Variants in GRM5 observed in about 807,000 individuals in gnomAD.
GRM5 encodes glutamate metabotropic receptor 5, also known as metabotropic glutamate receptor 5.
Under a neutral mutation model 83.1 loss-of-function variants are expected in GRM5, and 19 were observed. The ratio of observed to expected loss-of-function variants is 0.23; its 90% CI spans 0.16 to 0.34. GRM5 has a LOEUF of 0.34. Ranked by LOEUF, GRM5 falls within the 10% of genes least tolerant of loss-of-function variation. The pLI is 1.00. For synonymous variants in GRM5, 675 were observed against 633.6 expected (o/e 1.07, Z -0.98); for missense variants, 1,160 against 1,588.3 (o/e 0.73, Z 4.58).
chr11:88,708,454 T>TAAAG (rs1489372212), intron 3 of GRM5, among the ~76,000 whole-genome samples: 1 of 152,086 alleles, frequency 6.6e-6, no homozygotes, highest in African/African-American at 2.4e-5. Flanking sequence ...CAACATAATA[T>TAAAG]AAAGACTAAA....
At chr11:88,935,751 C>A (rs1937872313) in intron 2 of GRM5, among the ~76,000 whole-genome samples, 1 of 151,956 alleles carries the variant, frequency 6.6e-6, no homozygotes, top group African/African-American at 2.4e-5. Context: ...GGATGGATAT[C>A]CTTCATTTAT....
intron 4 of GRM5, among the ~76,000 whole-genome samples, chr11:88,613,657 A>C (rs1375999070): frequency 6.6e-6 from 1 of 152,116 alleles, no homozygotes; most frequent in Non-Finnish European, 1.5e-5. Context: ...TATGCCTTTT[A>C]AGTGGGGACA....
chr11:88,716,842 T>C (rs1326643667), intron 3 of GRM5, among the ~76,000 whole-genome samples: 1 of 151,912 alleles, frequency 6.6e-6, no homozygotes, highest in Non-Finnish European at 1.5e-5. Context: ...CTTAGAAAAA[T>C]CACCATGATG....
intron 2 of GRM5, among the ~76,000 whole-genome samples, chr11:88,917,590 T>C (rs1445985469): frequency 6.6e-6 from 1 of 152,054 alleles, no homozygotes; most frequent in Non-Finnish European, 1.5e-5. Context: ...TTCAGGACAT[T>C]ACAGAGAAGA....
intron 2 of GRM5, among the ~76,000 whole-genome samples, chr11:89,023,545 G>A (rs36006427): frequency 0.31 from 47,425 of 151,756 alleles, 8,710 homozygotes; most frequent in Non-Finnish European, 0.4. Context: ...CTTACAGTGG[G>A]TCAGTTAAGA....
chr11:88,668,299 A>ACG (rs1346191190), intron 3 of GRM5, among the ~76,000 whole-genome samples: 1 of 29,596 alleles, frequency 3.4e-5, no homozygotes, highest in African/African-American at 5.8e-5. Flanking sequence ...AGAAACTCGC[A>ACG]CACACACACA....
At chr11:88,627,771 C>T (rs1249449757) in intron 4 of GRM5, among the ~76,000 whole-genome samples, 2 of 152,102 alleles carry the variant, frequency 1.3e-5, no homozygotes, top group East Asian at 1.9e-4. Context: ...TTCTGTGACA[C>T]CCTCAAATTC....
chr11:88,770,928 T>C (rs1942723801), intron 3 of GRM5, among the ~76,000 whole-genome samples: 1 of 152,146 alleles, frequency 6.6e-6, no homozygotes, highest in South Asian at 2.1e-4. Flanking sequence ...ATGACCATAT[T>C]GCCACTCAGC....
intron 2 of GRM5, among the ~76,000 whole-genome samples, chr11:89,018,207 G>A (rs1443660555): frequency 2.0e-5 from 3 of 152,094 alleles, no homozygotes; most frequent in Non-Finnish European, 4.4e-5. Context: ...CTCACATGCA[G>A]GGCACATGTA....
At chr11:88,815,643 A>G (rs1364005695) in intron 3 of GRM5, among the ~76,000 whole-genome samples, 1 of 152,222 alleles carries the variant, frequency 6.6e-6, no homozygotes, top group African/African-American at 2.4e-5. Context: ...TTGTATGTGC[A>G]GAGATCACAA....
intron 3 of GRM5, among the ~76,000 whole-genome samples, chr11:88,669,152 T>C (rs1940129197): frequency 6.6e-6 from 1 of 152,136 alleles, no homozygotes; most frequent in Admixed American, 6.6e-5. Flanking sequence ...TGTTCACTAG[T>C]GGATGAATGG....
intron 8 of GRM5, among the ~76,000 whole-genome samples, chr11:88,559,802 G>T (rs1368419550): frequency 6.6e-6 from 1 of 152,138 alleles, no homozygotes; most frequent in Non-Finnish European, 1.5e-5. Context: ...TGTCTGTGGC[G>T]AGTCTAGAGA....
At chr11:88,636,934 G>A (rs573644669) in intron 4 of GRM5, among the ~76,000 whole-genome samples, 26 of 152,248 alleles carry the variant, frequency 1.7e-4, no homozygotes, top group East Asian at 5.8e-4. Context: ...TACCAGTACC[G>A]TGCTGTTTTG....
At chr11:88,913,345 G>A (rs953633869) in intron 2 of GRM5, among the ~76,000 whole-genome samples, 1 of 152,020 alleles carries the variant, frequency 6.6e-6, no homozygotes, top group African/African-American at 2.4e-5. Context: ...GCCCAAGAAG[G>A]CAAACTCATG....
intron 1 of GRM5, among the ~76,000 whole-genome samples, chr11:89,062,985 G>A (rs1383657929): frequency 2.4e-4 from 37 of 152,276 alleles, no homozygotes; most frequent in Non-Finnish European, 1.5e-5. Flanking sequence ...GGTGTTCAAA[G>A]AGAGGCAATA....
At chr11:88,922,690 C>A (rs1276559410) in intron 2 of GRM5, among the ~76,000 whole-genome samples, 1 of 151,998 alleles carries the variant, frequency 6.6e-6, no homozygotes, top group Non-Finnish European at 1.5e-5. Context: ...GAGTAACACC[C>A]AACAACTACA....
intron 2 of GRM5, among the ~76,000 whole-genome samples, chr11:88,995,231 C>A (rs1367098812): frequency 6.6e-6 from 1 of 151,900 alleles, no homozygotes; most frequent in Non-Finnish European, 1.5e-5. Context: ...TTGTACAGAG[C>A]AAAAGTGAAC....
rs190599584 is a variant in GRM5 at position 88,662,207 on chromosome 11, C to A, written c.912-8804G>T. Among the ~76,000 whole-genome samples, 605 of 152,160 alleles carry A rather than the reference C, an allele frequency of 4.0e-3. 3 individuals carry two copies. Among genetic ancestry groups the A allele is most frequent in the African/African-American group, 0.013 (558 of 41,508 alleles). ...CTGAGGAAACTGGAGGATTAACTAG[C>A]CTTATAACTGAGGAAATCTGAGGGA... is the stretch of plus-strand genomic sequence containing the variant. On this transcript the variant is annotated intron_variant, in intron 3 of 9. Coordinates refer to ENST00000305447, the MANE Select transcript of GRM5 (RefSeq NM_001143831.3).
chr11:88,917,898 T>C (rs531257283), intron 2 of GRM5, among the ~76,000 whole-genome samples: 4 of 151,684 alleles, frequency 2.6e-5, no homozygotes, highest in East Asian at 1.9e-4. Flanking sequence ...GAAAGAGAGA[T>C]TGGGGTAGAA....
Sources: allele counts gnomAD v4.1 joint callset (sites outside exome capture counted in the v4.1 genomes callset), GRCh38; gene constraint gnomAD v4.1.1; transcripts MANE v1.5; gene names NCBI Gene and HGNC (gene_info 2026-07-23, HGNC 2026-07-21).